LRRFIP2: variants seen among roughly 807,000 people sequenced by gnomAD.
LRRFIP2 encodes the protein LRR binding FLII interacting protein 2.
In LRRFIP2, 109 loss-of-function variants were observed where a neutral mutation model predicts 125.9. The ratio of observed to expected loss-of-function variants is 0.87; its 90% confidence interval spans 0.74 to 1.01. LRRFIP2 has a LOEUF of 1.01. LRRFIP2 is among the 50% of genes least tolerant of loss of function. The pLI is 0.00. For synonymous variants in LRRFIP2, 291 were observed against 293.1 expected, an observed-to-expected ratio of 0.99 and a Z score of 0.07; for missense variants, 850 against 862.3, an observed-to-expected ratio of 0.99 and a Z score of 0.18.
intron 2 of LRRFIP2, among the ~76,000 whole-genome samples, chr3:37,144,992 C>CA (rs945741393): frequency 1.3e-5 from 2 of 151,910 alleles, no homozygotes; most frequent in Non-Finnish European, 2.9e-5. Flanking sequence ...ACACTCATGC[C>CA]AAAAAAACAC....
chr3:37,126,727 C>T (rs1054049289), intron 4 of LRRFIP2, among the ~76,000 whole-genome samples: 3 of 151,746 alleles, frequency 2.0e-5, no homozygotes, highest in Non-Finnish European at 4.4e-5. Context: ...GGCATGGTGG[C>T]GGGCGCCTGT....
chr3:37,168,224 C>T (rs2096536607), intron 1 of LRRFIP2, among the ~76,000 whole-genome samples: 1 of 152,146 alleles, frequency 6.6e-6, no homozygotes, highest in Non-Finnish European at 1.5e-5. Context: ...CTCAAACAGA[C>T]ATTTGCATAC....
chr3:37,101,857 C>A (rs528319330), intron 15 of LRRFIP2, among the ~76,000 whole-genome samples: 247 of 152,106 alleles, frequency 1.6e-3, no homozygotes, highest in African/African-American at 5.8e-3. Flanking sequence ...GCAGGTAGAT[C>A]CTAAGTTGTT....
At chr3:37,100,448 CTGTG>C (rs1323987884) in intron 15 of LRRFIP2, among the ~76,000 whole-genome samples, 22 of 145,490 alleles carry the variant, frequency 1.5e-4, no homozygotes, top group Non-Finnish European at 2.4e-4. Flanking sequence ...ATGTGTGTGT[CTGTG>C]TGTGTATACA....
At chr3:37,107,406 A>G (rs1280055860) in intron 13 of LRRFIP2, among the ~76,000 whole-genome samples, 1 of 152,204 alleles carries the variant, frequency 6.6e-6, no homozygotes, top group Non-Finnish European at 1.5e-5. Context: ...AATAAAGAAA[A>G]TATATTGAGG....
chr3:37,149,517 A>AAAAT (rs149844208), intron 1 of LRRFIP2, among the ~76,000 whole-genome samples: 306 of 152,156 alleles, frequency 2.0e-3, no homozygotes, highest in African/African-American at 5.2e-3. Flanking sequence ...ACTCTGTCTC[A>AAAAT]AAATAAATAA....
chr3:37,097,562 A>T (rs569553082), intron 15 of LRRFIP2, among the ~76,000 whole-genome samples: 50 of 152,324 alleles, frequency 3.3e-4, no homozygotes, highest in African/African-American at 1.2e-3. Context: ...GGATGAATGA[A>T]TAAATCATAC....
chr3:37,112,164 C>G (rs2094567953), intron 8 of LRRFIP2, among the ~76,000 whole-genome samples: 1 of 151,770 alleles, frequency 6.6e-6, no homozygotes, highest in Non-Finnish European at 1.5e-5. Context: ...TGGCAAAACC[C>G]CATCTCTACA....
chr3:37,162,777 A>G (rs2096381831), intron 1 of LRRFIP2, among the ~76,000 whole-genome samples: 1 of 152,174 alleles, frequency 6.6e-6, no homozygotes, highest in Admixed American at 6.5e-5. Flanking sequence ...ATAATGAAGG[A>G]CTGTCATTAC....
chr3:37,056,107 G>GCACA (rs561723755), intron 25 of LRRFIP2, among the ~76,000 whole-genome samples: 1 of 152,188 alleles, frequency 6.6e-6, no homozygotes, highest in Non-Finnish European at 1.5e-5. Flanking sequence ...CTAGCCAAGT[G>GCACA]CACACAGTGT....
At chr3:37,168,311 T>A (rs1246826547) in intron 1 of LRRFIP2, among the ~76,000 whole-genome samples, 1 of 152,192 alleles carries the variant, frequency 6.6e-6, no homozygotes, top group Non-Finnish European at 1.5e-5. Context: ...TTAAACAATA[T>A]GGTATAAACA....
At chr3:37,109,499 G>A (rs2094471762) in intron 11 of LRRFIP2, 28 bp downstream of exon 11, 1 of 1,612,882 alleles carries the variant, frequency 6.2e-7, no homozygotes, top group South Asian at 1.1e-5. Context: ...CACCAGCACT[G>A]CACACACTGG....
intron 1 of LRRFIP2, among the ~76,000 whole-genome samples, chr3:37,155,254 A>G (rs1038390981): frequency 6.6e-6 from 1 of 152,226 alleles, no homozygotes; most frequent in Non-Finnish European, 1.5e-5. Flanking sequence ...CACTCCATAA[A>G]TATTTAAAGC....
intron 2 of LRRFIP2, among the ~76,000 whole-genome samples, chr3:37,147,634 T>C (rs1577490172): frequency 6.6e-6 from 1 of 152,194 alleles, no homozygotes; most frequent in East Asian, 1.9e-4. Context: ...AAGTGTGTAA[T>C]GTGTCAAAAG....
rs192257390 is a variant in LRRFIP2 at position 37,087,819 on chromosome 3, C to G, written c.1107+3648G>C. The stretch of plus-strand genomic sequence containing the variant: ...GGCCAGGCTGGTCTTGACCTCCTGA[C>G]CTCAGGTGATCCACCCACCTCAGCC... On this transcript the variant is annotated intron_variant, in intron 18 of 27. Transcript: ENST00000336686. Among the ~76,000 whole-genome samples, 296 of 151,590 alleles carry G rather than the reference C, an allele frequency of 2.0e-3. 7 individuals carry two copies. In the East Asian group the frequency reaches 0.048, roughly 25 times the overall value.
At chr3:37,168,118 A>G (rs1156285479) in intron 1 of LRRFIP2, among the ~76,000 whole-genome samples, 1 of 152,248 alleles carries the variant, frequency 6.6e-6, no homozygotes, top group Non-Finnish European at 1.5e-5. Context: ...GGTTTCTCAA[A>G]ATATTAAGCA....
intron 1 of LRRFIP2, among the ~76,000 whole-genome samples, chr3:37,154,441 G>A (rs1334892532): frequency 6.6e-6 from 1 of 152,168 alleles, no homozygotes; most frequent in East Asian, 1.9e-4. Context: ...CTTTTCTTCA[G>A]GAGCACATTA....
chr3:37,137,691 C>T (rs563851652), intron 2 of LRRFIP2, among the ~76,000 whole-genome samples: 1 of 152,252 alleles, frequency 6.6e-6, no homozygotes. Flanking sequence ...CAACTACCAG[C>T]CAATGAGAAT....
chr3:37,132,211 A>G (rs182767622), intron 2 of LRRFIP2, among the ~76,000 whole-genome samples: 2 of 152,270 alleles, frequency 1.3e-5, no homozygotes, highest in East Asian at 3.9e-4. Context: ...AAAATCACAA[A>G]GCATCAAAAC....
Sources: allele counts gnomAD v4.1 joint callset (sites outside exome capture counted in the v4.1 genomes callset), GRCh38; gene constraint gnomAD v4.1.1; transcripts MANE v1.5; gene names NCBI Gene and HGNC (gene_info 2026-07-23, HGNC 2026-07-21).